Variants in TECRL observed in about 807,000 individuals in gnomAD.
The protein encoded by TECRL is trans-2,3-enoyl-CoA reductase-like.
Under a neutral mutation model 52.8 loss-of-function variants are expected in TECRL, and 63 were observed. The observed-to-expected ratio is 1.19, with a 90% CI of 0.97 to 1.47. The LOEUF (loss-of-function observed/expected upper bound fraction) is 1.47. Among genes scored for constraint, TECRL ranks in the 40% most tolerant of loss-of-function variants. The probability of loss-of-function intolerance (pLI) is 0.00; values close to 1 mark genes in which losing one functional copy is unlikely to be tolerated. For synonymous variants in TECRL, 164 were observed against 141.9 expected (o/e 1.16, Z -1.10); for missense variants, 482 against 429.6 (o/e 1.12, Z -1.08).
chr4:64,364,942 A>G (rs1721489101), intron 2 of TECRL, among the ~76,000 whole-genome samples: 1 of 152,052 alleles, frequency 6.6e-6, no homozygotes, highest in Non-Finnish European at 1.5e-5. Context: ...AATCTGGCAG[A>G]GACATAACAA....
chr4:64,374,410 T>C (rs1393222564), intron 2 of TECRL, among the ~76,000 whole-genome samples: 5 of 151,768 alleles, frequency 3.3e-5, no homozygotes, highest in African/African-American at 1.2e-4. Context: ...TTTCCAGAAA[T>C]TCTTTTTATT....
intron 2 of TECRL, among the ~76,000 whole-genome samples, chr4:64,370,795 TATG>T (rs1214371190): frequency 6.6e-6 from 1 of 151,854 alleles, no homozygotes; most frequent in Non-Finnish European, 1.5e-5. Flanking sequence ...CCATGATATT[TATG>T]ATGAATTATC....
chr4:64,332,468 A>T (rs1290734944), intron 2 of TECRL, among the ~76,000 whole-genome samples: 1 of 152,092 alleles, frequency 6.6e-6, no homozygotes, highest in Non-Finnish European at 1.5e-5. Flanking sequence ...ATTATCTCTA[A>T]ATTTTTTCAT....
intron 2 of TECRL, among the ~76,000 whole-genome samples, chr4:64,337,229 C>A (rs899743858): frequency 1.3e-5 from 2 of 152,144 alleles, no homozygotes; most frequent in African/African-American, 2.4e-5. Flanking sequence ...TTCAGCAGCC[C>A]TTCATGCTAA....
chr4:64,301,938 C>T (rs1724046963), intron 7 of TECRL, among the ~76,000 whole-genome samples: 2 of 151,132 alleles, frequency 1.3e-5, no homozygotes, highest in South Asian at 2.1e-4. Flanking sequence ...CATTATAACA[C>T]TTATTAAAAT....
At chr4:64,310,058 A>T (rs1724581001) in intron 5 of TECRL, 127 bp from the exon 6 acceptor site, 1 of 555,820 alleles carries the variant, frequency 1.8e-6, no homozygotes, top group Non-Finnish European at 3.2e-6. Flanking sequence ...CTGGTAGCTA[A>T]AACACAAATA....
intron 8 of TECRL, among the ~76,000 whole-genome samples, chr4:64,296,570 G>A (rs1010565628): frequency 3.3e-5 from 5 of 151,664 alleles, no homozygotes; most frequent in African/African-American, 1.2e-4. Context: ...CATTAAGAAA[G>A]GCTAGAAAAA....
At chr4:64,293,698 C>T (rs1937387135) in intron 8 of TECRL, among the ~76,000 whole-genome samples, 1 of 151,826 alleles carries the variant, frequency 6.6e-6, no homozygotes, top group African/African-American at 2.4e-5. Flanking sequence ...GTTGATCATT[C>T]TCTTCCTTAA....
At chr4:64,342,734 G>A (rs1719675449) in intron 2 of TECRL, among the ~76,000 whole-genome samples, 1 of 151,760 alleles carries the variant, frequency 6.6e-6, no homozygotes, top group East Asian at 1.9e-4. Context: ...GACACTGTGA[G>A]GAATAAATGT....
chr4:64,292,920 G>A (rs1577813298), intron 8 of TECRL, among the ~76,000 whole-genome samples: 1 of 151,966 alleles, frequency 6.6e-6, no homozygotes. Context: ...ATGAACTTTA[G>A]GATGATGTTT....
At chr4:64,369,328 T>G (rs1354161157) in intron 2 of TECRL, among the ~76,000 whole-genome samples, 1 of 152,144 alleles carries the variant, frequency 6.6e-6, no homozygotes, top group Non-Finnish European at 1.5e-5. Flanking sequence ...TAGCTGTTGT[T>G]TTTATTAATA....
intron 1 of TECRL, among the ~76,000 whole-genome samples, chr4:64,384,816 G>C (rs369171215): frequency 6.6e-6 from 1 of 152,084 alleles, no homozygotes; most frequent in African/African-American, 2.4e-5. Flanking sequence ...ATGAATTCTT[G>C]TGGCTTCAGC....
intron 2 of TECRL, among the ~76,000 whole-genome samples, chr4:64,330,904 A>G (rs1718591947): frequency 6.6e-6 from 1 of 152,138 alleles, no homozygotes; most frequent in African/African-American, 2.4e-5. Flanking sequence ...TTCTGGCAAT[A>G]TAGACACGCA....
At chr4:64,337,039 C>G (rs1026854245) in intron 2 of TECRL, among the ~76,000 whole-genome samples, 1 of 152,122 alleles carries the variant, frequency 6.6e-6, no homozygotes, top group Admixed American at 6.6e-5. Flanking sequence ...TGGTGCAGAG[C>G]TGAATTCAAT....
chr4:64,387,253 C>G (rs1246436623), intron 1 of TECRL, among the ~76,000 whole-genome samples: 2 of 152,022 alleles, frequency 1.3e-5, no homozygotes, highest in Admixed American at 6.6e-5. Flanking sequence ...TAGCTTATTT[C>G]TCTTTAGTGC....
In TECRL at chr4:64,279,617, G is replaced by T; in HGVS notation, c.*455C>A. The T allele has an allele frequency of 4.3e-6, 1 of 232,652 alleles. No individual in the cohort carries two copies. Among genetic ancestry groups the T allele is most frequent in the Non-Finnish European group, 7.0e-6 (1 of 141,964 alleles). The allele number at this position is 232,652 out of a possible 1,614,324, so 14.4% of individuals were successfully genotyped here. ...ATAGTCACCTTAATTAGGATGAGAT[G>T]ATATCTCATTGTGGTTTTGATTTGC... On this transcript the variant is annotated 3_prime_UTR_variant, in exon 12 of 12. Coordinates refer to ENST00000381210, the MANE Select transcript of TECRL (RefSeq NM_001010874.5).
chr4:64,377,132 C>G (rs568065076), intron 1 of TECRL, among the ~76,000 whole-genome samples: 1 of 152,096 alleles, frequency 6.6e-6, no homozygotes, highest in Non-Finnish European at 1.5e-5. Context: ...ATTATACACT[C>G]TTAACATTTC....
rs1723175659 is a variant in TECRL, at chr4:64,386,314, A to G, written c.235-11091T>C. ...GAAAATTATAAGGAAGAAAAATTAT[A>G]TTTACTGTTCATTAAGTGGAAATGG... On this transcript the variant is annotated intron_variant, in intron 1 of 11. Coordinates refer to ENST00000381210, the MANE Select transcript of TECRL (RefSeq NM_001010874.5). Among the ~76,000 whole-genome samples the G allele has an allele frequency of 2.0e-5, 3 of 152,296 alleles. No homozygotes were observed. The South Asian group carries it at 6.2e-4, about 32-fold the overall frequency.
At chr4:64,364,867 T>TG (rs1305818282) in intron 2 of TECRL, among the ~76,000 whole-genome samples, 1 of 142,350 alleles carries the variant, frequency 7.0e-6, no homozygotes, top group African/African-American at 2.6e-5. Context: ...ACTATTTTTT[T>TG]TTCATTGAGG....
Sources: gnomAD v4.1 joint callset for allele counts (sites outside exome capture counted in the v4.1 genomes callset) on GRCh38, gnomAD v4.1.1 for gene constraint, MANE v1.5 for transcripts, NCBI Gene and HGNC (gene_info 2026-07-23, HGNC 2026-07-21) for gene names.